The following JAK1 variants were observed in gnomAD, a reference collection of about 807,000 sequenced individuals.
JAK1 encodes the protein tyrosine-protein kinase JAK1.
A neutral mutation model predicts 136.6 loss-of-function variants in JAK1; 16 were observed. The observed-to-expected ratio is 0.12, with a 90% CI of 0.08 to 0.18. The LOEUF is 0.18. JAK1 is among the 10% of genes least tolerant of loss of function. The pLI, the probability that JAK1 is intolerant of heterozygous loss-of-function variation, is 1.00. For missense variants in JAK1, 859 were observed against 1,450.1 expected (o/e 0.59, Z 6.62); for synonymous variants, 492 against 519.5 (o/e 0.95, Z 0.72).
chr1:64,845,407 C>T, intron 15 of JAK1, 106 bp downstream of exon 15: 2 of 1,329,004 alleles, frequency 1.5e-6, no homozygotes, highest in Non-Finnish European at 2.1e-6. Flanking sequence ...CCATGGAACC[C>T]AAGGACAGGC....
rs780068977 is a variant in JAK1 at position 64,879,071 on chromosome 1, T to C, written c.283A>G (p.Ile95Val). 1 of 1,614,044 alleles carries C rather than the reference T, an allele frequency of 6.2e-7. No individual in the cohort carries two copies. The highest frequency in any genetic ancestry group is 8.5e-7 in the Non-Finnish European group (1 of 1,179,994). Residue 95 changes from isoleucine to valine, a missense_variant, in exon 4 of 25, where the codon ATC becomes GTC. Transcript: ENST00000342505. ...TKLWYAPNRTITVDDKMSLRL... is the reference protein window; with the variant it reads ...TKLWYAPNRTVTVDDKMSLRL... ...AGGGACATCTTGTCATCAACGGTGA[T>C]GGTGCGATTTGGAGCATACCAGAGC...
intron 1 of JAK1, among the ~76,000 whole-genome samples, chr1:65,052,430 C>A (rs1015012888): frequency 6.6e-6 from 1 of 152,116 alleles, no homozygotes; most frequent in Admixed American, 6.5e-5. Context: ...GTAATCCCAG[C>A]ACTTTGGGAG....
intron 19 of JAK1, 40 bp from the exon 20 acceptor site, chr1:64,839,835 C>A: frequency 6.6e-7 from 1 of 1,515,712 alleles, no homozygotes; most frequent in East Asian, 2.3e-5. Context: ...AGGGAAGCCC[C>A]ATCGTAGGCC....
intron 13 of JAK1, 70 bp from the exon 14 acceptor site, chr1:64,846,806 G>A: frequency 8.1e-7 from 1 of 1,227,144 alleles, no homozygotes; most frequent in South Asian, 1.2e-5. Context: ...GGGCTCTGTT[G>A]AGGGGAAAGC....
At chr1:64,845,935 TGACACA>T (rs998517281) in intron 14 of JAK1, among the ~76,000 whole-genome samples, 7 of 152,318 alleles carry the variant, frequency 4.6e-5, no homozygotes, top group Middle Eastern at 3.4e-3. Context: ...GCGGAGGGCC[TGACACA>T]GAGAACAAGG....
intron 2 of JAK1, among the ~76,000 whole-genome samples, chr1:65,042,941 G>C (rs1434219690): frequency 6.6e-6 from 1 of 152,162 alleles, no homozygotes; most frequent in African/African-American, 2.4e-5. Context: ...TTCTGCAAGA[G>C]AACCACAGAG....
chr1:64,998,774 C>T (rs501071), intron 2 of JAK1, among the ~76,000 whole-genome samples: 11 of 152,108 alleles, frequency 7.2e-5, no homozygotes, highest in South Asian at 2.1e-4. Flanking sequence ...TGCCTGCTGC[C>T]GTCCATGTAA....
chr1:64,988,539 A>C (rs1646621387), intron 2 of JAK1, among the ~76,000 whole-genome samples: 1 of 152,144 alleles, frequency 6.6e-6, no homozygotes, highest in Non-Finnish European at 1.5e-5. Context: ...CAGACTCTGG[A>C]AAAAAGTCAG....
At chr1:65,058,410 T>C (rs767740981) in intron 1 of JAK1, 1 of 534,232 alleles carries the variant, frequency 1.9e-6, no homozygotes, top group Non-Finnish European at 3.8e-6. Context: ...ACGGTGAGGC[T>C]CCTCTGATGG....
chr1:64,857,197 A>C (rs771159006), intron 10 of JAK1, among the ~76,000 whole-genome samples: 1 of 152,184 alleles, frequency 6.6e-6, no homozygotes, highest in Non-Finnish European at 1.5e-5. Flanking sequence ...TGAAGCTACC[A>C]TTTGGAAAAA....
intron 1 of JAK1, among the ~76,000 whole-genome samples, chr1:64,940,139 C>T (rs1396448425): frequency 1.3e-5 from 2 of 151,996 alleles, no homozygotes; most frequent in East Asian, 1.9e-4. Context: ...GAGAGAAAAC[C>T]GGTAAGTTGA....
intron 19 of JAK1, among the ~76,000 whole-genome samples, chr1:64,840,295 C>T (rs1654809351): frequency 6.6e-6 from 1 of 152,120 alleles, no homozygotes; most frequent in South Asian, 2.1e-4. Context: ...AAACTGGCCT[C>T]GGGGACGGTG....
chr1:64,993,788 G>T (rs892515415), intron 2 of JAK1, among the ~76,000 whole-genome samples: 1 of 152,138 alleles, frequency 6.6e-6, no homozygotes, highest in Admixed American at 6.5e-5. Flanking sequence ...TGGGATTACA[G>T]GCGCCCACCA....
At chr1:64,947,086 T>C (rs752598893) in intron 1 of JAK1, among the ~76,000 whole-genome samples, 1 of 152,234 alleles carries the variant, frequency 6.6e-6, no homozygotes, top group Non-Finnish European at 1.5e-5. Flanking sequence ...TATTATCTAC[T>C]GGGTACAGAG....
chr1:65,019,110 A>G (rs1448039559), intron 2 of JAK1, among the ~76,000 whole-genome samples: 1 of 152,230 alleles, frequency 6.6e-6, no homozygotes. Context: ...AAATCCACAA[A>G]GAAAATTCCA....
rs771053844 is a variant in JAK1, at chr1:64,844,773, A to T, written c.2232T>A (p.Ile744=). The part of the protein sequence containing the change: ...FIKLSDPGIP[I]TVLSRQECIE... ...ACACACCTTGCCTAGACAGCACCGT[A>T]ATGGGGATGCCGGGGTCACTGAGCT... The change falls in exon 16 of 25, where the codon ATT becomes ATA. Residue 744 remains isoleucine (I), a synonymous_variant. Coordinates refer to ENST00000342505, the MANE Select transcript of JAK1 (RefSeq NM_002227.4). This position sits in a 1 kb window ranked among gnomAD's most constrained non-coding sequence, Gnocchi z 5.7. The T allele has an allele frequency of 9.9e-6, 16 of 1,614,206 alleles. No homozygotes were observed. Among genetic ancestry groups the T allele is most frequent in the Non-Finnish European group, 1.3e-5 (15 of 1,180,032 alleles).
chr1:64,928,786 A>AACAAAAAAC (rs1553169991), intron 1 of JAK1, among the ~76,000 whole-genome samples: 4 of 117,912 alleles, frequency 3.4e-5, no homozygotes, highest in Non-Finnish European at 4.8e-5. Flanking sequence ...TGCAAAAAAA[A>AACAAAAAAC]AAAAAAAAAA....
intron 1 of JAK1, chr1:65,058,430 T>C (rs1647645785): frequency 3.7e-6 from 2 of 534,368 alleles, no homozygotes; most frequent in East Asian, 5.5e-5. Context: ...GAAGGTAAGA[T>C]GGCTGCCATC....
At chr1:64,837,340 TG>T (rs1246121348) in intron 22 of JAK1, among the ~76,000 whole-genome samples, 1 of 152,186 alleles carries the variant, frequency 6.6e-6, no homozygotes, top group Non-Finnish European at 1.5e-5. Flanking sequence ...AGGGGAGTGC[TG>T]ATTGGTTATG....
Sources: gnomAD v4.1 joint callset for allele counts (sites outside exome capture counted in the v4.1 genomes callset) on GRCh38, gnomAD v4.1.1 for gene constraint, Gnocchi (gnomAD v3.1) non-coding constraint, MANE v1.5 for transcripts, NCBI Gene and HGNC (gene_info 2026-07-23, HGNC 2026-07-21) for gene names.